Variants in PSD2 observed in about 807,000 individuals in gnomAD.
PSD2 encodes the protein pleckstrin and Sec7 domain containing 2.
In PSD2, 38 loss-of-function variants were observed where a neutral mutation model predicts 69.8. The observed-to-expected ratio is 0.54, with a 90% CI of 0.42 to 0.71. The LOEUF (loss-of-function observed/expected upper bound fraction) is 0.71. Ranked by LOEUF, PSD2 falls within the 30% of genes least tolerant of loss-of-function variation. The pLI is 0.00. For missense variants in PSD2, 943 were observed against 1,014.5 expected, an observed-to-expected ratio of 0.93 and a Z score of 0.96; for synonymous variants, 412 against 423.0, an observed-to-expected ratio of 0.97 and a Z score of 0.32.
At chr5:139,779,603 T>G in the PSD2 span, among the ~76,000 whole-genome samples, 1 of 152,192 alleles carries the variant, frequency 6.6e-6, no homozygotes, top group African/African-American at 2.4e-5. Flanking sequence ...AGTATACCAT[T>G]TATTGAGTTT....
intron 1 of PSD2, among the ~76,000 whole-genome samples, chr5:139,808,954 C>G (rs1024902016): frequency 6.6e-6 from 1 of 152,214 alleles, no homozygotes; most frequent in East Asian, 1.9e-4. Flanking sequence ...TCTTTGGCTC[C>G]TGGAGCCAGG....
rs1483188463 is a variant in PSD2 at position 139,814,825 on chromosome 5, G to A, written c.1016+461G>A. 1.3e-5 allele frequency among the ~76,000 whole-genome samples: 2 copies of A among 152,110 alleles called. No homozygotes were observed. Reference sequence around the variant, plus strand: ...AGCTGAAGGGGCTGAAGCCCCCAAAGCACACACCCTGGCCTTCAGACCAGG... The same window carrying A: ...AGCTGAAGGGGCTGAAGCCCCCAAAACACACACCCTGGCCTTCAGACCAGG... On this transcript the variant is annotated intron_variant, in intron 4 of 14. Coordinates refer to ENST00000274710, the MANE Select transcript of PSD2 (RefSeq NM_032289.4). The surrounding 1 kb of genome is among the most constrained non-coding windows in gnomAD (Gnocchi z 4.4).
the PSD2 span, chr5:139,746,366 TTCA>T: frequency 6.6e-6 from 1 of 152,140 alleles, no homozygotes; most frequent in Admixed American, 6.5e-5. The surrounding 1 kb of genome is among the most constrained non-coding windows in gnomAD (Gnocchi z 4.5). Flanking sequence ...AAACTTCAAC[TTCA>T]TCAACTCAGC....
chr5:139,750,654 C>T, the PSD2 span, among the ~76,000 whole-genome samples: 2 of 152,158 alleles, frequency 1.3e-5, no homozygotes, highest in African/African-American at 2.4e-5. Context: ...CCAAGCCCCT[C>T]CCACCCCTGG....
At chr5:139,769,028 T>C in the PSD2 span, among the ~76,000 whole-genome samples, 6 of 152,012 alleles carry the variant, frequency 3.9e-5, no homozygotes, top group African/African-American at 1.2e-4. Context: ...AATTCTGTCA[T>C]TGGTGGAGGG....
the PSD2 span, among the ~76,000 whole-genome samples, chr5:139,753,567 CCATCAGCT>C: frequency 9.0e-3 from 1,364 of 152,280 alleles, 16 homozygotes; most frequent in African/African-American, 0.03. Flanking sequence ...CTAACATGGA[CCATCAGCT>C]CTAGCCATGG....
intron 1 of PSD2, among the ~76,000 whole-genome samples, chr5:139,803,772 G>A (rs1645224991): frequency 1.3e-5 from 2 of 152,200 alleles, no homozygotes; most frequent in Admixed American, 6.5e-5. Flanking sequence ...TAGGCTCCTG[G>A]GTGGGCGTCC....
At chr5:139,770,115 TG>T in the PSD2 span, among the ~76,000 whole-genome samples, 5 of 152,108 alleles carry the variant, frequency 3.3e-5, no homozygotes, top group Non-Finnish European at 5.9e-5. Flanking sequence ...CCACCACATG[TG>T]GGGGCTCAGC....
intron 2 of PSD2, among the ~76,000 whole-genome samples, chr5:139,811,441 C>A (rs1759958174): frequency 6.6e-6 from 1 of 152,176 alleles, no homozygotes; most frequent in Non-Finnish European, 1.5e-5. Context: ...GGGGCCAGAG[C>A]CTCAGGGGAG....
At chr5:139,779,330 T>G in the PSD2 span, among the ~76,000 whole-genome samples, 1 of 152,206 alleles carries the variant, frequency 6.6e-6, no homozygotes, top group Non-Finnish European at 1.5e-5. Flanking sequence ...TTGAACAAAT[T>G]TTACAGTGAA....
In PSD2 at chr5:139,833,777, A is replaced by G. The variant is rs1760649205; in HGVS notation, c.1345A>G (p.Lys449Glu). The change falls in exon 8 of 15, where the codon AAA (lysine) becomes GAA (glutamate). Residue 449 changes from lysine to glutamate, a missense_variant. Around this residue, in one of 3 missense-constraint regions of PSD2, gnomAD observed 312 missense variants for 400.7 expected, o/e 0.78. Coordinates refer to ENST00000274710, the MANE Select transcript of PSD2 (RefSeq NM_032289.4). ...GCTGAATGATGGCCAAGACTTTGCC[A>G]AAGACCTGCTGAAGGTACTGTCTGC... ...DQLNDGQDFA[K>E]DLLKTLYNSI... The G allele has an allele frequency of 1.9e-6, 3 of 1,613,328 alleles. No individual in the cohort carries two copies. The highest frequency in any genetic ancestry group is 2.5e-6 in the Non-Finnish European group (3 of 1,179,372).
chr5:139,810,499 G>A (rs1009276426), intron 2 of PSD2, among the ~76,000 whole-genome samples: 13 of 152,214 alleles, frequency 8.5e-5, no homozygotes, highest in Non-Finnish European at 1.6e-4. Context: ...CGGGTAGTGT[G>A]TGAGTGTGCG....
intron 8 of PSD2, among the ~76,000 whole-genome samples, chr5:139,834,045 C>T (rs1161615716): frequency 1.3e-5 from 2 of 152,188 alleles, no homozygotes; most frequent in Non-Finnish European, 2.9e-5. Flanking sequence ...ATAATCAACA[C>T]TGCTATGAAC....
At chr5:139,807,563 A>G (rs1000225441) in intron 1 of PSD2, among the ~76,000 whole-genome samples, 1 of 152,028 alleles carries the variant, frequency 6.6e-6, no homozygotes, top group Non-Finnish European at 1.5e-5. Flanking sequence ...CTGGCTTTTG[A>G]GATGTTTAAG....
chr5:139,756,222 C>A, the PSD2 span, among the ~76,000 whole-genome samples: 1 of 152,146 alleles, frequency 6.6e-6, no homozygotes, highest in Non-Finnish European at 1.5e-5. Flanking sequence ...CTCGGACTGC[C>A]GCTGCGCCCC....
chr5:139,766,971 TTC>T, the PSD2 span, among the ~76,000 whole-genome samples: 1 of 144,810 alleles, frequency 6.9e-6, no homozygotes. Flanking sequence ...CTTTCTTTCT[TTC>T]TTTCTTTCTT....
At chr5:139,743,942 G>T in the PSD2 span, 1 of 152,412 alleles carries the variant, frequency 6.6e-6, no homozygotes, top group Non-Finnish European at 1.5e-5. Context: ...TCTGGTCCAA[G>T]TTCCAGCTCC....
chr5:139,817,147 C>T (rs1350432133), intron 4 of PSD2, among the ~76,000 whole-genome samples: 1 of 152,212 alleles, frequency 6.6e-6, no homozygotes, highest in African/African-American at 2.4e-5. Context: ...CCCATTCTTG[C>T]TCTTTAGGTT....
chr5:139,805,730 C>T (rs764178515), intron 1 of PSD2, among the ~76,000 whole-genome samples: 1 of 151,782 alleles, frequency 6.6e-6, no homozygotes, highest in African/African-American at 2.4e-5. Context: ...ATAGCTGGTG[C>T]AAAGGCCCTG....
Sources: gnomAD v4.1 joint callset for allele counts (sites outside exome capture counted in the v4.1 genomes callset) on GRCh38, gnomAD v4.1.1 for gene constraint, gnomAD v4.1.1 regional missense constraint, Gnocchi (gnomAD v3.1) non-coding constraint, MANE v1.5 for transcripts, NCBI Gene and HGNC (gene_info 2026-07-23, HGNC 2026-07-21) for gene names.